HTR5A: variants seen among roughly 807,000 people sequenced by gnomAD.
HTR5A encodes the protein 5-HT-5.
Under a neutral mutation model 24.3 loss-of-function variants are expected in HTR5A, and 21 were observed. That is an observed-to-expected ratio of 0.86 (90% CI 0.61 to 1.24). HTR5A has a LOEUF of 1.24. HTR5A is among the 50% of genes most tolerant of loss of function. The probability of loss-of-function intolerance (pLI) is 0.00; values close to 1 mark genes in which losing one functional copy is unlikely to be tolerated. For synonymous variants in HTR5A, 260 were observed against 213.7 expected (o/e 1.22, Z -1.89); for missense variants, 497 against 489.5 (o/e 1.02, Z -0.15).
chr7:155,080,016 G>A (rs967246101), intron 1 of HTR5A, among the ~76,000 whole-genome samples: 1 of 152,130 alleles, frequency 6.6e-6, no homozygotes, highest in Non-Finnish European at 1.5e-5. Context: ...TAGCCCTCAG[G>A]TCCAGCTTGA....
chr7:155,086,155 T>C lies in HTR5A; in HGVS notation c.*1668T>C, dbSNP rs1795474420. On this transcript the variant is annotated 3_prime_UTR_variant, in exon 2 of 2. Coordinates refer to ENST00000287907, the MANE Select transcript of HTR5A (RefSeq NM_024012.4). Reference sequence around the variant, plus strand: ...AAATCAGAGAGAATAACAAATGCTATTGTTTTCTAGTGTTTTGAATAAGGG... The same window carrying C: ...AAATCAGAGAGAATAACAAATGCTACTGTTTTCTAGTGTTTTGAATAAGGG... Among the ~76,000 whole-genome samples, 1 of 152,230 alleles carries C rather than the reference T, an allele frequency of 6.6e-6. No individual in the cohort carries two copies. The highest frequency in any genetic ancestry group is 1.5e-5 in the Non-Finnish European group (1 of 68,040).
chr7:155,083,344 T>G (rs1563423096), intron 1 of HTR5A, among the ~76,000 whole-genome samples: 1 of 152,236 alleles, frequency 6.6e-6, no homozygotes, highest in African/African-American at 2.4e-5. Flanking sequence ...TCAATTAATT[T>G]GCTAATTCAG....
chr7:155,076,334 T>C (rs12539876), intron 1 of HTR5A, among the ~76,000 whole-genome samples: 38,343 of 151,910 alleles, frequency 0.25, 5,288 homozygotes, highest in Middle Eastern at 0.32. Flanking sequence ...TTCTATAGTA[T>C]GTTAAATTAG....
At chr7:155,073,900 T>TGTGTATATATATATAC (rs1554519645) in intron 1 of HTR5A, among the ~76,000 whole-genome samples, 1 of 22,406 alleles carries the variant, frequency 4.5e-5, no homozygotes, top group African/African-American at 6.0e-5. Context: ...TATATATATA[T>TGTGTATATATATATAC]ATATATATAT....
At chr7:155,078,120 A>G (rs1795377664) in intron 1 of HTR5A, among the ~76,000 whole-genome samples, 1 of 152,178 alleles carries the variant, frequency 6.6e-6, no homozygotes, top group Non-Finnish European at 1.5e-5. Flanking sequence ...ATATTAATAT[A>G]TACAGGGATC....
In HTR5A at chr7:155,071,097, C is replaced by T; in HGVS notation, c.198C>T (p.Leu66=). 1 of 1,607,446 alleles carries T rather than the reference C, an allele frequency of 6.2e-7. No homozygotes were observed. The highest frequency in any genetic ancestry group is 1.1e-5 in the South Asian group (1 of 91,086). ...ACCTGCTGGTGCTGGCGACCATCCT[C>T]CGTGTACGCACCTTCCACCGCGTGC... ...AWNLLVLATI[L]RVRTFHRVPH... is the part of the protein sequence containing the mutation. The change falls in exon 1 of 2, where the codon CTC becomes CTT. Residue 66 remains leucine (L), a synonymous_variant. Transcript: ENST00000287907.
In HTR5A at chr7:155,071,116, C is replaced by G; in HGVS notation, c.217C>G (p.Arg73Gly). The change falls in exon 1 of 2, where the codon CGC becomes GGC. Residue 73 changes from arginine to glycine, a missense_variant. Coordinates refer to ENST00000287907, the MANE Select transcript of HTR5A (RefSeq NM_024012.4). ...ATILRVRTFH[R>G]VPHNLVASMA... ...CATCCTCCGTGTACGCACCTTCCAC[C>G]GCGTGCCCCACAACCTGGTGGCATC... The G allele has an allele frequency of 3.1e-6, 5 of 1,606,264 alleles. No homozygotes were observed. The highest frequency in any genetic ancestry group is 3.4e-6 in the Non-Finnish European group (4 of 1,179,972).
rs1284773730 is a variant in HTR5A at position 155,086,392 on chromosome 7, A to G, written c.*1905A>G. 1.3e-5 allele frequency among the ~76,000 whole-genome samples: 2 copies of G among 152,240 alleles called. No homozygotes were observed. The highest frequency in any genetic ancestry group is 2.9e-5 in the Non-Finnish European group (2 of 68,036). The stretch of plus-strand genomic sequence containing the variant: ...TTAAAAAAGTTCATACTCTTCAGTA[A>G]AGCGAAGCTTGAGGAAGATGTGCCA... On this transcript the variant is annotated 3_prime_UTR_variant, in exon 2 of 2. Coordinates refer to ENST00000287907, the MANE Select transcript of HTR5A (RefSeq NM_024012.4).
intron 1 of HTR5A, among the ~76,000 whole-genome samples, chr7:155,081,879 T>A (rs1795421711): frequency 6.6e-6 from 1 of 152,194 alleles, no homozygotes; most frequent in Non-Finnish European, 1.5e-5. Flanking sequence ...GTCAAGTGAG[T>A]TGGCATTGAA....
chr7:155,071,925 C>A (rs1563418509), intron 1 of HTR5A, among the ~76,000 whole-genome samples: 1 of 152,128 alleles, frequency 6.6e-6, no homozygotes, highest in Non-Finnish European at 1.5e-5. Flanking sequence ...TCCCCTTTGG[C>A]CCCCAAATTC....
rs1323880582 is a variant in HTR5A, at chr7:155,085,567, A to C, written c.*1080A>C. The C allele has an allele frequency of 6.6e-6, 1 of 151,500 alleles. No individual in the cohort carries two copies. Among genetic ancestry groups the C allele is most frequent in the African/African-American group, 2.5e-5 (1 of 40,778 alleles). 9.4% of individuals were successfully genotyped at this position (151,500 alleles called of 1,614,324 possible). On this transcript the variant is annotated 3_prime_UTR_variant, in exon 2 of 2. Transcript: ENST00000287907. ...GTAAAATGCAGCCCCAGTCCTCTAC[A>C]AATTGACAGTATAATTTATGAGGTG...
rs576598432 is a variant in HTR5A, at chr7:155,084,276, G to T, written c.863G>T (p.Gly288Val). The T allele has an allele frequency of 2.7e-5, 43 of 1,614,008 alleles. No individual in the cohort carries two copies. The highest frequency in any genetic ancestry group is 3.6e-5 in the Non-Finnish European group (43 of 1,180,036). The change falls in exon 2 of 2, where the codon GGC (glycine) becomes GTC (valine). Residue 288 changes from glycine to valine, a missense_variant. Coordinates refer to ENST00000287907, the MANE Select transcript of HTR5A (RefSeq NM_024012.4). The stretch of plus-strand genomic sequence containing the variant: ...GAGCAGCGGGCCGCCCTCATGGTGG[G>T]CATCCTCATTGGCGTGTTCGTGCTC... ...QKEQRAALMV[G>V]ILIGVFVLCW... is the part of the protein sequence containing the mutation.
chr7:155,084,060 G>A, intron 1 of HTR5A, 95 bp from the exon 2 acceptor site: 4 of 985,024 alleles, frequency 4.1e-6, no homozygotes, highest in Non-Finnish European at 5.9e-6. Flanking sequence ...TTTCCCTTGA[G>A]TGGATGTGCG....
In HTR5A at chr7:155,070,337, C is replaced by T. The variant is rs1000688929; in HGVS notation, c.-563C>T. Reference sequence around the variant, plus strand: ...GGTGGGCGCGCCAGCATTCGCTCTCCGGAGCTGCAGCCTCCGAAGGGGTGG... The same window carrying T: ...GGTGGGCGCGCCAGCATTCGCTCTCTGGAGCTGCAGCCTCCGAAGGGGTGG... On this transcript the variant is annotated 5_prime_UTR_variant, in exon 1 of 2. Coordinates refer to ENST00000287907, the MANE Select transcript of HTR5A (RefSeq NM_024012.4). 1.1e-5 allele frequency: 5 copies of T among 448,776 alleles called. No homozygotes were observed. Among genetic ancestry groups the T allele is most frequent in the Non-Finnish European group, 2.2e-5 (5 of 223,870 alleles). The allele number at this position is 448,776 out of a possible 1,614,324, so 27.8% of individuals were successfully genotyped here. A position where few individuals can be genotyped will look rare whatever the true frequency, so the allele number is the denominator to read the frequency against.
In HTR5A at chr7:155,084,138, C is replaced by T; in HGVS notation, c.742-17C>T. 1.9e-6 allele frequency: 3 copies of T among 1,570,680 alleles called. No individual in the cohort carries two copies. Among genetic ancestry groups the T allele is most frequent in the Non-Finnish European group, 1.7e-6 (2 of 1,158,302 alleles). On this transcript the variant is annotated splice_polypyrimidine_tract_variant and intron_variant, in intron 1 of 1. Transcript: ENST00000287907. ...ACTGAGGTGGCTCCTCATAAAGCTC[C>T]TGCTTGTCTTTTACAGGTGAAGGAC...
chr7:155,076,290 T>TTTGA (rs1317865166), intron 1 of HTR5A, among the ~76,000 whole-genome samples: 1 of 152,358 alleles, frequency 6.6e-6, no homozygotes, highest in African/African-American at 2.4e-5. Context: ...AATTCACATT[T>TTTGA]GTTGTCCATT....
chr7:155,071,272 T>TGCAAA lies in HTR5A; in HGVS notation c.376_377insAAGCA (p.Thr126LysfsTer9). The stretch of plus-strand genomic sequence containing the variant: ...TTGGATCGCGTGCGACGTGCTTTGC[T>TGCAAA]GCACGGCCAGCATCTGGAACGTGAC... On this transcript the variant is annotated frameshift_variant, in exon 1 of 2. Coordinates refer to ENST00000287907, the MANE Select transcript of HTR5A (RefSeq NM_024012.4). LOFTEE classifies it high-confidence loss of function. 6.2e-7 allele frequency: 1 copy of TGCAAA among 1,607,568 alleles called. No homozygotes were observed.
intron 1 of HTR5A, among the ~76,000 whole-genome samples, chr7:155,074,307 G>A (rs1795337267): frequency 6.6e-6 from 1 of 152,190 alleles, no homozygotes; most frequent in African/African-American, 2.4e-5. Flanking sequence ...GGAAGCCACT[G>A]CTAGAGATCT....
At chr7:155,079,618 TAAA>T (rs1215420530) in intron 1 of HTR5A, among the ~76,000 whole-genome samples, 1 of 152,198 alleles carries the variant, frequency 6.6e-6, no homozygotes, top group Non-Finnish European at 1.5e-5. Context: ...TTTCATTAAG[TAAA>T]AAAAGTTTGG....
Sources: allele counts gnomAD v4.1 joint callset (sites outside exome capture counted in the v4.1 genomes callset), GRCh38; gene constraint gnomAD v4.1.1; transcripts MANE v1.5; gene names NCBI Gene and HGNC (gene_info 2026-07-23, HGNC 2026-07-21).